MDGA1: variants seen among roughly 807,000 people sequenced by gnomAD.
MDGA1 encodes the protein MAM domain-containing glycosylphosphatidylinositol anchor protein 1.
A neutral mutation model predicts 101.5 loss-of-function variants in MDGA1; 54 were observed. That is an observed-to-expected ratio of 0.53 (90% CI 0.43 to 0.67). The LOEUF (loss-of-function observed/expected upper bound fraction) is 0.67. MDGA1 is among the 30% of genes least tolerant of loss of function. The pLI is 0.00. For missense variants in MDGA1, 1,083 were observed against 1,323.8 expected, an observed-to-expected ratio of 0.82 and a Z score of 2.82; for synonymous variants, 533 against 558.3, an observed-to-expected ratio of 0.95 and a Z score of 0.64.
intron 1 of MDGA1, among the ~76,000 whole-genome samples, chr6:37,665,798 G>A (rs376303928): frequency 3.8e-4 from 58 of 152,292 alleles, no homozygotes; most frequent in African/African-American, 1.1e-3. Context: ...GCATTTAAAC[G>A]TTGTCTGCAC....
chr6:37,658,456 C>T (rs755223271), intron 2 of MDGA1, 37 bp from the exon 3 acceptor site: 2 of 1,574,694 alleles, frequency 1.3e-6, no homozygotes, highest in Non-Finnish European at 1.7e-6. Flanking sequence ...GACTGTCAGA[C>T]TCACACGGGG....
intron 1 of MDGA1, among the ~76,000 whole-genome samples, chr6:37,676,610 C>T (rs1481807828): frequency 6.6e-6 from 1 of 152,090 alleles, no homozygotes; most frequent in Non-Finnish European, 1.5e-5. Context: ...GAAAAGCAAC[C>T]AAACCTGGCC....
chr6:37,654,999 C>G (rs1761453151), intron 4 of MDGA1, 67 bp from the exon 5 acceptor site: 6 of 1,570,790 alleles, frequency 3.8e-6, no homozygotes, highest in Admixed American at 3.6e-5. Context: ...CATACTCATT[C>G]ACCCAGCACC....
rs922072700 is a variant in MDGA1, at chr6:37,635,509, T to C, written c.*1859A>G. ...GGGTCAGGAAGGCAGCCGTGCTGAT[T>C]GGGCATCAGAAGGCCCCGCTGCATC... On this transcript the variant is annotated 3_prime_UTR_variant, in exon 17 of 17. Coordinates refer to ENST00000434837, the MANE Select transcript of MDGA1 (RefSeq NM_153487.4). The C allele has an allele frequency of 2.0e-5, 8 of 398,570 alleles. No individual in the cohort carries two copies. The East Asian group carries it at 2.1e-4, about 11-fold the overall frequency. The allele number at this position is 398,570 out of a possible 1,614,324, so 24.7% of individuals were successfully genotyped here.
chr6:37,677,366 A>G (rs1561859328), intron 1 of MDGA1, among the ~76,000 whole-genome samples: 1 of 152,226 alleles, frequency 6.6e-6, no homozygotes, highest in Non-Finnish European at 1.5e-5. Context: ...AATAATTTAA[A>G]AGGAAAAAGT....
rs888841594 is a variant in MDGA1, at chr6:37,638,382, G to A, written c.2668-69C>T. 2.8e-5 allele frequency: 42 copies of A among 1,502,602 alleles called. 1 individual carries two copies. The highest frequency in any genetic ancestry group is 1.1e-4 in the Admixed American group (6 of 56,102). The allele number at this position is 1,502,602 out of a possible 1,614,324, so 93.1% of individuals were successfully genotyped here. ...CTGCTGGGTACCAGAGTGCTCCCTC[G>A]ACCCCACCTTTCCCCTTAATCTACC... On this transcript the variant is annotated intron_variant, in intron 15 of 16. Transcript: ENST00000434837. The surrounding 1 kb of genome is among the most constrained non-coding windows in gnomAD (Gnocchi z 4.8).
chr6:37,663,845 G>C, intron 2 of MDGA1, 122 bp downstream of exon 2: 8 of 1,133,670 alleles, frequency 7.1e-6, no homozygotes, highest in Non-Finnish European at 1.0e-5. Context: ...CCCATCTCCT[G>C]TTCTCTGCCT....
rs902329542 is a variant in MDGA1, at chr6:37,635,992, C to A, written c.*1376G>T. ...ACACAGACCTGTGTTTGCACACACT[C>A]CTGCCCAACAATGTACCCACGGTGG... On this transcript the variant is annotated 3_prime_UTR_variant, in exon 17 of 17. Transcript: ENST00000434837. The A allele has an allele frequency of 4.6e-5, 17 of 369,890 alleles. No individual in the cohort carries two copies. The highest frequency in any genetic ancestry group is 3.5e-4 in the African/African-American group (17 of 48,138). The allele number at this position is 369,890 out of a possible 1,614,324, so 22.9% of individuals were successfully genotyped here. A position where few individuals can be genotyped will look rare whatever the true frequency, so the allele number is the denominator to read the frequency against.
Position 37,655,673 on chromosome 6 carries a change from T to TG in MDGA1, c.579+26dup, listed in dbSNP as rs574210033. On this transcript the variant is annotated intron_variant, in intron 4 of 16. Transcript: ENST00000434837. The surrounding 1 kb of genome is among the most constrained non-coding windows in gnomAD (Gnocchi z 5.1). ...CCTGTTGGATGCAGGAGAAGTGGTA[T>TG]GGGGCGAGCCAGCTGCCCATCCTGA... The TG allele has an allele frequency of 1.3e-6, 2 of 1,564,092 alleles. No homozygotes were observed. Among genetic ancestry groups the TG allele is most frequent in the South Asian group, 2.4e-5 (2 of 82,978 alleles).
chr6:37,646,209 T>C lies in MDGA1; in HGVS notation c.2213A>G (p.His738Arg). 1 of 1,583,484 alleles carries C rather than the reference T, an allele frequency of 6.3e-7. No homozygotes were observed. The highest frequency in any genetic ancestry group is 8.6e-7 in the Non-Finnish European group (1 of 1,162,356). Residue 738 changes from histidine (H) to arginine (R), a missense_variant, in exon 11 of 17, where the codon CAC becomes CGC. By Grantham distance (29) the His-to-Arg change is conservative (BLOSUM62 0). Around this residue, in one of 3 missense-constraint regions of MDGA1, gnomAD observed 657 missense variants for 771.4 expected, o/e 0.85. Coordinates refer to ENST00000434837, the MANE Select transcript of MDGA1 (RefSeq NM_153487.4). ...GAGDMASRII[H>R]YTEPINSPNL... Reference sequence around the variant, plus strand: ...CCACTGTCACCTACGCTCTGTGTAGTGGATGATGCGGGAGGCCATGTCACC... The same window carrying C: ...CCACTGTCACCTACGCTCTGTGTAGCGGATGATGCGGGAGGCCATGTCACC...
At chr6:37,681,455 C>T (rs1397839547) in intron 1 of MDGA1, among the ~76,000 whole-genome samples, 2 of 152,144 alleles carry the variant, frequency 1.3e-5, no homozygotes, top group East Asian at 3.9e-4. Context: ...AAAAGGTGAC[C>T]AGAGGCCATC....
At position 37,696,580 on chromosome 6, in the gene MDGA1, G is replaced by A. The variant is rs1170650361; in HGVS notation, c.67+165C>T. Among the ~76,000 whole-genome samples the A allele has an allele frequency of 2.0e-5, 3 of 152,186 alleles. No homozygotes were observed. The highest frequency in any genetic ancestry group is 4.8e-5 in the African/African-American group (2 of 41,448). On this transcript the variant is annotated intron_variant, in intron 1 of 16. Transcript: ENST00000434837. The surrounding 1 kb of genome is among the most constrained non-coding windows in gnomAD (Gnocchi z 5.6). ...CTACGACCGGCCCCTGTGTTCCGAAGCAGCTAGCTCGGTCTCCACGCGCCC... is the reference window on the plus strand; with the variant it reads ...CTACGACCGGCCCCTGTGTTCCGAAACAGCTAGCTCGGTCTCCACGCGCCC...
chr6:37,642,181 T>TTC (rs1335046191), intron 14 of MDGA1, among the ~76,000 whole-genome samples: 7 of 39,874 alleles, frequency 1.8e-4, no homozygotes, highest in Non-Finnish European at 4.8e-4. Context: ...GTTTCTTTCT[T>TTC]TTTTTTTTTT....
At position 37,643,939 on chromosome 6, in the gene MDGA1, G is replaced by A. The variant is rs1159400098; in HGVS notation, c.2406C>T (p.Tyr802=). 4.3e-6 allele frequency: 7 copies of A among 1,613,752 alleles called. No individual in the cohort carries two copies. In the Admixed American group the frequency reaches 5.0e-5, roughly 12 times the overall value. ...GCCTCGATGTCTCGATGAACATGTA[G>A]TAGCCTGCGGGGAATGGGGAGATGC... is the stretch of plus-strand genomic sequence containing the variant. ...PTDISGTPEG[Y]YMFIETSRPR... Residue 802 remains tyrosine, a synonymous_variant, in exon 14 of 17, where the codon TAC becomes TAT. Transcript: ENST00000434837.
Position 37,637,125 on chromosome 6 carries a change from A to G in MDGA1, c.*243T>C, listed in dbSNP as rs1309896656. ...AGGTCAGATAGAAACTTGTGCTTTA[A>G]TATATCTCTGTGTGTGTGAGCATGA... On this transcript the variant is annotated 3_prime_UTR_variant, in exon 17 of 17. Transcript: ENST00000434837. The G allele has an allele frequency of 2.3e-6, 1 of 433,498 alleles. No homozygotes were observed. 26.9% of individuals were successfully genotyped at this position (433,498 alleles called of 1,614,324 possible).
intron 14 of MDGA1, chr6:37,643,426 C>CCA (rs1764139561): frequency 1.1e-5 from 2 of 179,870 alleles, no homozygotes; most frequent in African/African-American, 4.8e-5. Context: ...GCACCCACGA[C>CCA]CACACCCAGC....
intron 1 of MDGA1, among the ~76,000 whole-genome samples, chr6:37,689,334 T>C (rs1288236556): frequency 3.3e-5 from 5 of 152,326 alleles, no homozygotes; most frequent in East Asian, 3.9e-4. Flanking sequence ...CTCTCCTGAG[T>C]TGATCTCTCT....
At chr6:37,656,535 G>T (rs1297741956) in intron 3 of MDGA1, among the ~76,000 whole-genome samples, 1 of 151,910 alleles carries the variant, frequency 6.6e-6, no homozygotes, top group Non-Finnish European at 1.5e-5. Context: ...ACCACACCTG[G>T]CTAATTTTTG....
chr6:37,647,264 A>G lies in MDGA1; in HGVS notation c.1955T>C (p.Leu652Pro). 1 of 1,569,486 alleles carries G rather than the reference A, an allele frequency of 6.4e-7. No homozygotes were observed. The highest frequency in any genetic ancestry group is 8.6e-7 in the Non-Finnish European group (1 of 1,157,478). Residue 652 changes from leucine (L) to proline (P), a missense_variant, in exon 10 of 17, where the codon CTG becomes CCG. Physicochemically the swap from Leu to Pro is moderately conservative, Grantham distance 98. Around this residue, in one of 3 missense-constraint regions of MDGA1, gnomAD observed 657 missense variants for 771.4 expected, o/e 0.85. Transcript: ENST00000434837. ...DTPNPTRSHKLSKNYSYVLQW... is the reference protein window; with the variant it reads ...DTPNPTRSHKPSKNYSYVLQW... Reference sequence around the variant, plus strand: ...CAGCACGTAGGAGTAGTTCTTGGACAGCTTGTGGCTGCGGGTGGGGTTGGG... The same window carrying G: ...CAGCACGTAGGAGTAGTTCTTGGACGGCTTGTGGCTGCGGGTGGGGTTGGG...
Sources: allele counts gnomAD v4.1 joint callset (sites outside exome capture counted in the v4.1 genomes callset), GRCh38; gene constraint gnomAD v4.1.1; regional missense constraint gnomAD v4.1.1; non-coding constraint Gnocchi (gnomAD v3.1); transcripts MANE v1.5; gene names NCBI Gene and HGNC (gene_info 2026-07-23, HGNC 2026-07-21).